Variants in CNTNAP4 observed in about 807,000 individuals in gnomAD.
CNTNAP4 encodes the protein contactin associated protein family member 4.
In CNTNAP4, 98 loss-of-function variants were observed where a neutral mutation model predicts 148.4. That is an observed-to-expected ratio of 0.66 (90% CI 0.56 to 0.78). The LOEUF (loss-of-function observed/expected upper bound fraction) is 0.78. Ranked by LOEUF, CNTNAP4 falls within the 30% of genes least tolerant of loss-of-function variation. The probability of loss-of-function intolerance (pLI) is 0.00; values close to 1 mark genes in which losing one functional copy is unlikely to be tolerated. For missense variants in CNTNAP4, 1,935 were observed against 1,565.6 expected (o/e 1.24, Z -3.98); for synonymous variants, 730 against 565.1 (o/e 1.29, Z -4.14).
intron 1 of CNTNAP4, among the ~76,000 whole-genome samples, chr16:76,313,194 C>G (rs1597156482): frequency 6.6e-6 from 1 of 152,160 alleles, no homozygotes; most frequent in African/African-American, 2.4e-5. Flanking sequence ...TTATAGTTGG[C>G]AAAAACAAAT....
rs186750968 is a variant in CNTNAP4, at chr16:76,529,527, T to A, written c.2756-6018T>A. 3.9e-5 allele frequency among the ~76,000 whole-genome samples: 6 copies of A among 152,338 alleles called. No individual in the cohort carries two copies. In the East Asian group the frequency reaches 1.2e-3, roughly 29 times the overall value. On this transcript the variant is annotated intron_variant, in intron 17 of 23. Transcript: ENST00000611870. Reference sequence around the variant, plus strand: ...ATTTTGGTTTGTAAACTCAGCATTTTCGTAGAAGCTTCTTAAATTAGCCTT... The same window carrying A: ...ATTTTGGTTTGTAAACTCAGCATTTACGTAGAAGCTTCTTAAATTAGCCTT...
intron 8 of CNTNAP4, among the ~76,000 whole-genome samples, chr16:76,455,400 A>C (rs927082634): frequency 6.6e-6 from 1 of 152,272 alleles, no homozygotes; most frequent in African/African-American, 2.4e-5. Flanking sequence ...GCATTTTTCT[A>C]TTACTAAGCA....
chr16:76,407,192 A>C (rs2078626454), intron 3 of CNTNAP4, among the ~76,000 whole-genome samples: 1 of 152,160 alleles, frequency 6.6e-6, no homozygotes, highest in Non-Finnish European at 1.5e-5. Context: ...AGATGACAGC[A>C]CATCTGTTTG....
intron 3 of CNTNAP4, among the ~76,000 whole-genome samples, chr16:76,357,137 A>C (rs1567835869): frequency 6.6e-6 from 1 of 152,032 alleles, no homozygotes; most frequent in Non-Finnish European, 1.5e-5. Context: ...AAGCCACTCA[A>C]ACTAGGGATA....
chr16:76,467,598 C>T (rs1441874426), intron 10 of CNTNAP4, 75 bp downstream of exon 10: 7 of 1,186,864 alleles, frequency 5.9e-6, no homozygotes, highest in Admixed American at 2.6e-5. Flanking sequence ...ATAAGATGAA[C>T]AATTATTCTT....
At chr16:76,474,618 T>A (rs2081496897) in intron 10 of CNTNAP4, among the ~76,000 whole-genome samples, 1 of 152,018 alleles carries the variant, frequency 6.6e-6, no homozygotes, top group African/African-American at 2.4e-5. Context: ...TAGTCGTTAA[T>A]CTGTAATGAA....
At chr16:76,425,684 G>A (rs4620992) in intron 3 of CNTNAP4, among the ~76,000 whole-genome samples, 147,243 of 152,220 alleles carry the variant, frequency 0.97, 71,403 homozygotes, top group Non-Finnish European at 1. Context: ...GGACAAGAGA[G>A]GCAGGGCATG....
chr16:76,311,761 T>C (rs1043959562), intron 1 of CNTNAP4, among the ~76,000 whole-genome samples: 1 of 152,116 alleles, frequency 6.6e-6, no homozygotes, highest in Non-Finnish European at 1.5e-5. Context: ...GTCCATGAAA[T>C]GTTTGGTTAC....
chr16:76,334,590 T>G (rs1165394269), intron 2 of CNTNAP4, among the ~76,000 whole-genome samples: 1 of 152,174 alleles, frequency 6.6e-6, no homozygotes, highest in Non-Finnish European at 1.5e-5. Context: ...GATTTTATAC[T>G]TTTTTTCTAT....
intron 10 of CNTNAP4, among the ~76,000 whole-genome samples, chr16:76,469,085 C>T (rs947579712): frequency 6.6e-5 from 10 of 152,124 alleles, no homozygotes; most frequent in African/African-American, 2.4e-4. Context: ...ATTTGTCAAT[C>T]CTATTTTGAA....
At chr16:76,354,345 G>T (rs918511628) in intron 2 of CNTNAP4, among the ~76,000 whole-genome samples, 1 of 152,184 alleles carries the variant, frequency 6.6e-6, no homozygotes, top group Non-Finnish European at 1.5e-5. Context: ...TTTGGTGTGT[G>T]TTGGATCAAA....
At chr16:76,493,051 G>C (rs1473203506) in intron 13 of CNTNAP4, among the ~76,000 whole-genome samples, 1 of 151,936 alleles carries the variant, frequency 6.6e-6, no homozygotes, top group African/African-American at 2.4e-5. Context: ...GAAAGGCATG[G>C]AACATGACTA....
At chr16:76,279,515 G>T (rs1221238134) in intron 1 of CNTNAP4, among the ~76,000 whole-genome samples, 5 of 152,162 alleles carry the variant, frequency 3.3e-5, no homozygotes, top group African/African-American at 1.2e-4. Context: ...CTTGGCTCTG[G>T]TTGGATCCCT....
chr16:76,359,039 C>G (rs1318864604), intron 3 of CNTNAP4, among the ~76,000 whole-genome samples: 4 of 152,094 alleles, frequency 2.6e-5, no homozygotes, highest in Non-Finnish European at 5.9e-5. Context: ...GTGAATTGTG[C>G]CCTGTCTCTT....
chr16:76,378,831 C>G (rs538544186), intron 3 of CNTNAP4, among the ~76,000 whole-genome samples: 1 of 152,120 alleles, frequency 6.6e-6, no homozygotes, highest in Non-Finnish European at 1.5e-5. Flanking sequence ...CACCTAGGGT[C>G]GGCCAAGAGG....
intron 21 of CNTNAP4, among the ~76,000 whole-genome samples, chr16:76,548,128 A>G (rs894525765): frequency 2.0e-5 from 3 of 152,176 alleles, no homozygotes; most frequent in African/African-American, 7.2e-5. Context: ...TTGGCAAACA[A>G]ATACCTTTTA....
intron 21 of CNTNAP4, among the ~76,000 whole-genome samples, chr16:76,542,830 T>C (rs937839243): frequency 4.6e-5 from 7 of 152,186 alleles, no homozygotes; most frequent in African/African-American, 1.7e-4. Flanking sequence ...ATGAGTGGAA[T>C]TATAAGCTGA....
chr16:76,508,779 G>A (rs1349695572), intron 15 of CNTNAP4, among the ~76,000 whole-genome samples: 1 of 77,600 alleles, frequency 1.3e-5, no homozygotes, highest in African/African-American at 3.0e-5. Flanking sequence ...TTGAGATGGA[G>A]TCTCACTGTG....
Position 76,498,704 on chromosome 16 carries a change from T to C in CNTNAP4, c.2365+10T>C. 1 of 1,596,538 alleles carries C rather than the reference T, an allele frequency of 6.3e-7. No homozygotes were observed. The highest frequency in any genetic ancestry group is 8.5e-7 in the Non-Finnish European group (1 of 1,173,634). On this transcript the variant is annotated intron_variant, in intron 15 of 23. Transcript: ENST00000611870. ...CTCTGCCAGGGAGACAGTAAGTGGT[T>C]ACAATGTGTTGAAACCGTATTTGAG... is the stretch of plus-strand genomic sequence containing the variant.
Sources: allele counts gnomAD v4.1 joint callset (sites outside exome capture counted in the v4.1 genomes callset), GRCh38; gene constraint gnomAD v4.1.1; transcripts MANE v1.5; gene names NCBI Gene and HGNC (gene_info 2026-07-23, HGNC 2026-07-21).